Variants in NOX3 observed in about 807,000 individuals in gnomAD.
NOX3 encodes the protein NADPH oxidase 3.
NOX3 carries 74 observed loss-of-function variants against 76.7 expected under a neutral mutation model. The observed-to-expected ratio is 0.96, with a 90% confidence interval of 0.80 to 1.17. The LOEUF is 1.17. NOX3 is among the 50% of genes most tolerant of loss of function. The pLI is 0.00. For missense variants in NOX3, 695 were observed against 703.3 expected (o/e 0.99, Z 0.13); for synonymous variants, 263 against 261.1 (o/e 1.01, Z -0.07).
intron 9 of NOX3, among the ~76,000 whole-genome samples, chr6:155,423,796 A>G (rs1776722773): frequency 7.0e-6 from 1 of 142,994 alleles, no homozygotes; most frequent in Non-Finnish European, 1.5e-5. Flanking sequence ...GCTGGAGTGC[A>G]GTGATGCGAT....
In NOX3 at chr6:155,430,824, C is replaced by A; in HGVS notation, c.891+19G>T. 2 of 1,554,388 alleles carry A rather than the reference C, an allele frequency of 1.3e-6. No individual in the cohort carries two copies. The highest frequency in any genetic ancestry group is 1.8e-6 in the Non-Finnish European group (2 of 1,130,562). ...ATCTACACTCAGGCTTTTATTCAGA[C>A]ATAAAGCTACATGCATACCTTGGTA... On this transcript the variant is annotated intron_variant, in intron 8 of 13. Transcript: ENST00000159060.
intron 4 of NOX3, among the ~76,000 whole-genome samples, chr6:155,445,758 T>A (rs1582947202): frequency 6.6e-6 from 1 of 151,648 alleles, no homozygotes; most frequent in East Asian, 1.9e-4. Context: ...TTGACAATTA[T>A]TTGCTTAGTG....
At chr6:155,435,768 C>T (rs1264549784) in intron 7 of NOX3, among the ~76,000 whole-genome samples, 1 of 152,200 alleles carries the variant, frequency 6.6e-6, no homozygotes, top group Non-Finnish European at 1.5e-5. Context: ...AGGAATATTA[C>T]TTCTCTTTCC....
intron 4 of NOX3, among the ~76,000 whole-genome samples, chr6:155,450,506 C>T (rs185252269): frequency 1.3e-5 from 2 of 152,298 alleles, no homozygotes; most frequent in African/African-American, 4.8e-5. Flanking sequence ...TCCTGTGCGC[C>T]AGGGACCAGG....
At chr6:155,442,106 T>A (rs1417178467) in intron 5 of NOX3, among the ~76,000 whole-genome samples, 1 of 151,820 alleles carries the variant, frequency 6.6e-6, no homozygotes, top group Non-Finnish European at 1.5e-5. Context: ...CTACTAAAAA[T>A]AACAAAAATT....
chr6:155,412,174 C>T (rs920050867), intron 10 of NOX3, among the ~76,000 whole-genome samples: 2 of 152,082 alleles, frequency 1.3e-5, no homozygotes, highest in Admixed American at 6.5e-5. Flanking sequence ...GTGCCTTCTC[C>T]CCAAAGAGAC....
rs1776804962 is a variant in NOX3 at position 155,429,565 on chromosome 6, T to C, written c.892-518A>G. Among the ~76,000 whole-genome samples the C allele has an allele frequency of 2.0e-5, 3 of 152,200 alleles. 1 individual carries two copies. The highest frequency in any genetic ancestry group is 4.1e-4 in the South Asian group (2 of 4,832). ...CACTTCAAACTCTTTTCTTGTTTTGTTTTCTTTTTGGTTGAGTCTCATCCT... is the reference window on the plus strand; with the variant it reads ...CACTTCAAACTCTTTTCTTGTTTTGCTTTCTTTTTGGTTGAGTCTCATCCT... On this transcript the variant is annotated intron_variant, in intron 8 of 13. Coordinates refer to ENST00000159060, the MANE Select transcript of NOX3 (RefSeq NM_015718.3).
intron 10 of NOX3, 59 bp downstream of exon 10, chr6:155,422,635 G>A: frequency 6.6e-7 from 1 of 1,511,148 alleles, no homozygotes; most frequent in Non-Finnish European, 9.1e-7. Context: ...GCAGATGATA[G>A]ATATAAGGAC....
At chr6:155,396,188 G>C (rs1252103313) in intron 13 of NOX3, among the ~76,000 whole-genome samples, 1 of 152,124 alleles carries the variant, frequency 6.6e-6, no homozygotes, top group Admixed American at 6.5e-5. Context: ...GATAGGAAAG[G>C]GATGATTTGA....
chr6:155,449,594 C>T (rs904225862), intron 4 of NOX3, among the ~76,000 whole-genome samples: 2 of 152,128 alleles, frequency 1.3e-5, no homozygotes, highest in South Asian at 2.1e-4. Flanking sequence ...CTGCATTTTC[C>T]GTGATGTCCT....
At chr6:155,401,585 CAATT>C in intron 12 of NOX3, among the ~76,000 whole-genome samples, 1 of 152,228 alleles carries the variant, frequency 6.6e-6, no homozygotes. Flanking sequence ...CACATTTACT[CAATT>C]TAGTATAAAG....
At chr6:155,436,568 A>G in intron 6 of NOX3, 21 bp from the exon 7 acceptor site, 3 of 1,612,490 alleles carry the variant, frequency 1.9e-6, no homozygotes, top group South Asian at 1.1e-5. Context: ...AAGAAAAGCA[A>G]AACAAAACAA....
intron 10 of NOX3, among the ~76,000 whole-genome samples, chr6:155,420,214 G>A: frequency 6.6e-6 from 1 of 152,172 alleles, no homozygotes. Context: ...TAATGACAAT[G>A]AGACTTTGCA....
At chr6:155,431,058 C>T (rs1776826278) in intron 7 of NOX3, 123 bp from the exon 8 acceptor site, 1 of 612,624 alleles carries the variant, frequency 1.6e-6, no homozygotes. Flanking sequence ...AACTTTGGGC[C>T]AGTTATCAGC....
chr6:155,436,317 G>C, intron 7 of NOX3, 101 bp downstream of exon 7: 1 of 1,345,468 alleles, frequency 7.4e-7, no homozygotes, highest in Non-Finnish European at 1.1e-6. Flanking sequence ...AGTTGGCTTT[G>C]TCTAGTGGTG....
intron 10 of NOX3, among the ~76,000 whole-genome samples, chr6:155,416,375 C>T (rs1283671755): frequency 6.6e-6 from 1 of 152,196 alleles, no homozygotes; most frequent in Non-Finnish European, 1.5e-5. Flanking sequence ...AATGATCACT[C>T]TTATTGTCCT....
At chr6:155,415,923 A>G (rs1776616723) in intron 10 of NOX3, among the ~76,000 whole-genome samples, 1 of 152,236 alleles carries the variant, frequency 6.6e-6, no homozygotes, top group South Asian at 2.1e-4. Context: ...AAAGAGGGAC[A>G]TGCGCCTTGC....
At chr6:155,417,741 A>T (rs1243483742) in intron 10 of NOX3, among the ~76,000 whole-genome samples, 1 of 152,224 alleles carries the variant, frequency 6.6e-6, no homozygotes, top group Non-Finnish European at 1.5e-5. Flanking sequence ...CATTCACTAG[A>T]AAAGAGAGCA....
chr6:155,443,557 T>C (rs1490013616), intron 4 of NOX3, 139 bp from the exon 5 acceptor site: 2 of 988,144 alleles, frequency 2.0e-6, no homozygotes, highest in Middle Eastern at 3.4e-4. Context: ...TATTTACACA[T>C]CTTTCCCAGT....
Sources: gnomAD v4.1 joint callset for allele counts (sites outside exome capture counted in the v4.1 genomes callset) on GRCh38, gnomAD v4.1.1 for gene constraint, MANE v1.5 for transcripts, NCBI Gene and HGNC (gene_info 2026-07-23, HGNC 2026-07-21) for gene names.